The following RASAL2 variants were observed in gnomAD, a reference collection of about 807,000 sequenced individuals.
RASAL2 encodes the protein RAS protein activator like 2, also known as ras GTPase-activating protein nGAP.
RASAL2 carries 58 observed loss-of-function variants against 128.9 expected under a neutral mutation model. The observed-to-expected ratio is 0.45, with a 90% CI of 0.36 to 0.56. RASAL2 has a LOEUF of 0.56. RASAL2 is among the 20% of genes least tolerant of loss of function. The pLI is 0.00. For synonymous variants in RASAL2, 561 were observed against 580.8 expected, an observed-to-expected ratio of 0.97 and a Z score of 0.49; for missense variants, 1,360 against 1,601.6, an observed-to-expected ratio of 0.85 and a Z score of 2.57.
intron 1 of RASAL2, among the ~76,000 whole-genome samples, chr1:178,245,798 T>C (rs1664743104): frequency 6.6e-6 from 1 of 152,236 alleles, no homozygotes; most frequent in Non-Finnish European, 1.5e-5. Flanking sequence ...CTAGCCAGTT[T>C]TCCCAGCACC....
chr1:178,363,027 G>T (rs1047315284), intron 3 of RASAL2, among the ~76,000 whole-genome samples: 6 of 152,130 alleles, frequency 3.9e-5, no homozygotes, highest in African/African-American at 1.4e-4. Context: ...ATACTCAGAA[G>T]AGGCGGGATT....
At chr1:178,439,605 G>A (rs182797490) in intron 6 of RASAL2, 30 bp downstream of exon 6, 306 of 1,600,350 alleles carry the variant, frequency 1.9e-4, no homozygotes, top group Non-Finnish European at 1.9e-4. Flanking sequence ...AAAAGGAAGA[G>A]TAGTTAAACA....
chr1:178,412,968 T>G (rs1674500105), intron 4 of RASAL2, among the ~76,000 whole-genome samples: 1 of 151,782 alleles, frequency 6.6e-6, no homozygotes, highest in South Asian at 2.1e-4. Flanking sequence ...TTCTTTTTCT[T>G]TCTTTCTTTC....
At chr1:178,363,448 C>A (rs1671233060) in intron 3 of RASAL2, among the ~76,000 whole-genome samples, 1 of 152,150 alleles carries the variant, frequency 6.6e-6, no homozygotes, top group African/African-American at 2.4e-5. Context: ...AATGCGTAGG[C>A]CTCCTTTTCA....
intron 1 of RASAL2, among the ~76,000 whole-genome samples, chr1:178,268,945 T>A (rs572858817): frequency 6.6e-6 from 1 of 152,364 alleles, no homozygotes; most frequent in South Asian, 2.1e-4. Context: ...CCTGTTTTTT[T>A]AAATACTGTA....
rs71108028 is a variant in RASAL2, at chr1:178,131,375, CT to C, written c.202+36707del. ...TCGTGCACTACCACGCCTGGATAAT[CT>C]TTTTTTTTTTTTTTTTTTTTTTTTT... On this transcript the variant is annotated intron_variant, in intron 1 of 17. Coordinates refer to ENST00000367649, the MANE Select transcript of RASAL2 (RefSeq NM_170692.4). Among the ~76,000 whole-genome samples, 62 of 82,584 alleles carry C rather than the reference CT, an allele frequency of 7.5e-4. 1 individual carries two copies. The highest frequency in any genetic ancestry group is 7.9e-3 in the Middle Eastern group (1 of 126). 54.2% of individuals were successfully genotyped at this position (82,584 alleles called of 152,430 possible). A position where few individuals can be genotyped will look rare whatever the true frequency, so the allele number is the denominator to read the frequency against.
chr1:178,304,608 T>C (rs1463190392), intron 3 of RASAL2, among the ~76,000 whole-genome samples: 2 of 152,180 alleles, frequency 1.3e-5, no homozygotes, highest in Non-Finnish European at 2.9e-5. Context: ...TTTAATGGTA[T>C]GTGGCAGCAG....
At chr1:178,281,900 A>G (rs1217362222) in intron 1 of RASAL2, among the ~76,000 whole-genome samples, 1 of 152,212 alleles carries the variant, frequency 6.6e-6, no homozygotes, top group Non-Finnish European at 1.5e-5. Flanking sequence ...CTATATATGT[A>G]CAAAAGGATT....
intron 3 of RASAL2, among the ~76,000 whole-genome samples, chr1:178,333,236 C>T (rs891917474): frequency 2.7e-5 from 4 of 150,786 alleles, no homozygotes; most frequent in African/African-American, 9.8e-5. Flanking sequence ...CACGTGTTAG[C>T]CAGGATGGTC....
chr1:178,324,528 CTAAAG>C (rs1375743714), intron 3 of RASAL2, among the ~76,000 whole-genome samples: 1 of 151,740 alleles, frequency 6.6e-6, no homozygotes, highest in African/African-American at 2.4e-5. Flanking sequence ...TTCCTTTCTT[CTAAAG>C]TATAGTCATA....
intron 6 of RASAL2, 129 bp downstream of exon 6, chr1:178,439,704 T>C (rs891432998): frequency 5.0e-6 from 4 of 807,856 alleles, no homozygotes; most frequent in African/African-American, 3.5e-5. Context: ...CTAGAAATTA[T>C]CTACTTACAG....
At chr1:178,397,886 G>A in intron 4 of RASAL2, among the ~76,000 whole-genome samples, 1 of 151,812 alleles carries the variant, frequency 6.6e-6, no homozygotes, top group East Asian at 1.9e-4. Context: ...AAAGTGCTGG[G>A]ATTACAGGCA....
chr1:178,153,385 T>G lies in RASAL2; in HGVS notation c.202+58691T>G, dbSNP rs75518018. 1.8e-3 allele frequency among the ~76,000 whole-genome samples: 281 copies of G among 152,286 alleles called. 1 individual carries two copies. In the East Asian group the frequency reaches 0.038, roughly 21 times the overall value. On this transcript the variant is annotated intron_variant, in intron 1 of 17. Coordinates refer to ENST00000367649, the MANE Select transcript of RASAL2 (RefSeq NM_170692.4). ...TTAAGTGAACTAGGTATAGTTACAG[T>G]TTTACAACTATTACAGCAATCTAAT...
At position 178,333,037 on chromosome 1, in the gene RASAL2, A is replaced by T. The variant is rs1449319647; in HGVS notation, c.457+32919A>T. On this transcript the variant is annotated intron_variant, in intron 3 of 17. Transcript: ENST00000367649. ...CCTTATCAGATTTATTTATTTATTA[A>T]TTTTTTTTTGAGACGGAGTCTCGCT... 1.4e-5 allele frequency among the ~76,000 whole-genome samples: 2 copies of T among 146,786 alleles called. 1 individual carries two copies. The highest frequency in any genetic ancestry group is 7.2e-3 in the Middle Eastern group (2 of 278).
rs764664046 is a variant in RASAL2, at chr1:178,443,057, G to A, written c.1310G>A (p.Arg437His). 16 of 1,613,844 alleles carry A rather than the reference G, an allele frequency of 9.9e-6. No individual in the cohort carries two copies. The highest frequency in any genetic ancestry group is 4.5e-5 in the East Asian group (2 of 44,880). The change falls in exon 8 of 18, where the codon CGT (arginine) becomes CAT (histidine). Residue 437 changes from arginine to histidine, a missense_variant. Physicochemically the swap from Arg to His is conservative, Grantham distance 29. Around this residue, in one of 3 missense-constraint regions of RASAL2, gnomAD observed 617 missense variants for 714.2 expected, o/e 0.86. Transcript: ENST00000367649. ...GGACCTTCTATTCGGATTAAATCAC[G>A]TTTCCAAACTATCACCATTCTGCCT... ...TGGPSIRIKS[R>H]FQTITILPME...
chr1:178,452,965 C>T (rs2102889613), intron 11 of RASAL2, among the ~76,000 whole-genome samples: 1 of 151,808 alleles, frequency 6.6e-6, no homozygotes, highest in South Asian at 2.1e-4. Flanking sequence ...AAAAAAAGGG[C>T]AGAATAAAAA....
chr1:178,366,000 A>G (rs1671379004), intron 3 of RASAL2, among the ~76,000 whole-genome samples: 1 of 152,196 alleles, frequency 6.6e-6, no homozygotes, highest in Admixed American at 6.5e-5. Context: ...ATATTGAAAT[A>G]TAATTTGTAT....
intron 3 of RASAL2, among the ~76,000 whole-genome samples, chr1:178,318,984 A>G (rs374413004): frequency 2.6e-4 from 39 of 152,134 alleles, no homozygotes; most frequent in African/African-American, 9.4e-4. Flanking sequence ...TTTAGGGCAG[A>G]CCTGGTGGTG....
rs1572027183 is a variant in RASAL2, at chr1:178,411,701, C to T, written c.565-8810C>T. ...ACTTTTGTCCATGTCACTGATCTTT[C>T]TGGCAAAGAAACCATCTGCCGTGTG... On this transcript the variant is annotated intron_variant, in intron 4 of 17. Transcript: ENST00000367649. 6.1e-6 allele frequency: 5 copies of T among 819,014 alleles called. No individual in the cohort carries two copies. In the East Asian group the frequency reaches 1.2e-4, roughly 20 times the overall value. 50.7% of individuals were successfully genotyped at this position (819,014 alleles called of 1,614,324 possible).
Sources: gnomAD v4.1 joint callset for allele counts (sites outside exome capture counted in the v4.1 genomes callset) on GRCh38, gnomAD v4.1.1 for gene constraint, gnomAD v4.1.1 regional missense constraint, MANE v1.5 for transcripts, NCBI Gene and HGNC (gene_info 2026-07-23, HGNC 2026-07-21) for gene names.